SYNPR: variants seen among roughly 807,000 people sequenced by gnomAD.
SYNPR encodes the protein synaptoporin.
A neutral mutation model predicts 32.9 loss-of-function variants in SYNPR; 23 were observed. That is an observed-to-expected ratio of 0.70 (90% CI 0.50 to 0.99). The LOEUF (loss-of-function observed/expected upper bound fraction) is 0.99, where lower values mean the gene tolerates loss of function less well. Ranked by LOEUF, SYNPR falls within the 50% of genes least tolerant of loss-of-function variation. The pLI, the probability that SYNPR is intolerant of heterozygous loss-of-function variation, is 0.00. For missense variants in SYNPR, 318 were observed against 349.3 expected (o/e 0.91, Z 0.71); for synonymous variants, 146 against 135.9 (o/e 1.07, Z -0.52).
chr3:63,423,061 TG>T (rs1440005878), intron 2 of SYNPR, among the ~76,000 whole-genome samples: 1 of 152,168 alleles, frequency 6.6e-6, no homozygotes, highest in Non-Finnish European at 1.5e-5. Context: ...ATAACATCTA[TG>T]GAATAAAAGT....
chr3:63,309,019 C>A (rs1191124360), intron 2 of SYNPR, among the ~76,000 whole-genome samples: 1 of 151,846 alleles, frequency 6.6e-6, no homozygotes, highest in Non-Finnish European at 1.5e-5. Context: ...ATCACTGATG[C>A]GCTGTTCATT....
chr3:63,422,243 C>A (rs1299533344), intron 2 of SYNPR, among the ~76,000 whole-genome samples: 1 of 152,144 alleles, frequency 6.6e-6, no homozygotes, highest in African/African-American at 2.4e-5. Context: ...TATCAGTGTT[C>A]TTAACTACTT....
intron 3 of SYNPR, among the ~76,000 whole-genome samples, chr3:63,552,680 G>A (rs1272311516): frequency 2.6e-5 from 4 of 152,074 alleles, no homozygotes; most frequent in East Asian, 1.9e-4. Context: ...TAATTCTAAC[G>A]CCAGTGGTCC....
chr3:63,524,108 A>C (rs993210144), intron 3 of SYNPR, among the ~76,000 whole-genome samples: 2 of 152,024 alleles, frequency 1.3e-5, no homozygotes, highest in Non-Finnish European at 2.9e-5. Flanking sequence ...CTCACTTTCT[A>C]AGTTAATTCA....
intron 1 of SYNPR, among the ~76,000 whole-genome samples, chr3:63,247,373 C>G (rs183438747): frequency 1.3e-5 from 2 of 152,020 alleles, no homozygotes; most frequent in East Asian, 3.9e-4. Flanking sequence ...CTAAAGCCTC[C>G]AAGTAGGATG....
At chr3:63,502,869 C>T (rs1701509187) in intron 3 of SYNPR, among the ~76,000 whole-genome samples, 1 of 152,082 alleles carries the variant, frequency 6.6e-6, no homozygotes, top group African/African-American at 2.4e-5. Flanking sequence ...TTTATCCCTT[C>T]ACCTACAAAA....
At chr3:63,560,858 C>T (rs1454441937) in intron 4 of SYNPR, among the ~76,000 whole-genome samples, 1 of 152,144 alleles carries the variant, frequency 6.6e-6, no homozygotes, top group African/African-American at 2.4e-5. Flanking sequence ...CCCTCAAGAC[C>T]TGGGGATTAC....
At chr3:63,467,689 T>C (rs1700710073) in intron 2 of SYNPR, among the ~76,000 whole-genome samples, 1 of 152,228 alleles carries the variant, frequency 6.6e-6, no homozygotes, top group Admixed American at 6.5e-5. Context: ...AAATACCACA[T>C]AACAATATGC....
upstream of SYNPR, among the ~76,000 whole-genome samples, chr3:63,224,775 T>C (rs191973320): frequency 2.5e-3 from 380 of 152,346 alleles, 1 homozygote; most frequent in Middle Eastern, 0.02. Context: ...ACCAGGTGTC[T>C]GAGACCCTGG....
At chr3:63,218,456 A>G in the SYNPR span, among the ~76,000 whole-genome samples, 1 of 152,216 alleles carries the variant, frequency 6.6e-6, no homozygotes, top group Non-Finnish European at 1.5e-5. Context: ...TGTCCTCCAA[A>G]CATTCCTGAA....
At chr3:63,608,596 G>A (rs981694578) in intron 4 of SYNPR, among the ~76,000 whole-genome samples, 3 of 131,546 alleles carry the variant, frequency 2.3e-5, no homozygotes, top group African/African-American at 2.5e-5. Flanking sequence ...GTGAACAAAC[G>A]AATGAATGAA....
At chr3:63,485,232 G>A (rs1391797380) in intron 3 of SYNPR, among the ~76,000 whole-genome samples, 1 of 151,956 alleles carries the variant, frequency 6.6e-6, no homozygotes, top group Non-Finnish European at 1.5e-5. Flanking sequence ...ATGAATGAAA[G>A]GGGTCACTGA....
chr3:63,295,695 A>T (rs1054183096), intron 2 of SYNPR, among the ~76,000 whole-genome samples: 3 of 152,226 alleles, frequency 2.0e-5, no homozygotes, highest in Non-Finnish European at 4.4e-5. Flanking sequence ...ACTTGATAAA[A>T]CAACAAATGA....
intron 2 of SYNPR, among the ~76,000 whole-genome samples, chr3:63,311,984 C>T (rs1185634203): frequency 6.6e-6 from 1 of 151,938 alleles, no homozygotes; most frequent in Admixed American, 6.6e-5. Flanking sequence ...TCACTTTCTT[C>T]ATCTTTAAAG....
intron 2 of SYNPR, among the ~76,000 whole-genome samples, chr3:63,261,139 A>G (rs2086433883): frequency 6.6e-6 from 1 of 152,148 alleles, no homozygotes; most frequent in Admixed American, 6.5e-5. Context: ...TCGTTCAACC[A>G]TTGTGGAAGT....
intron 2 of SYNPR, among the ~76,000 whole-genome samples, chr3:63,479,119 G>A (rs979982363): frequency 2.0e-5 from 3 of 152,120 alleles, no homozygotes. Context: ...CCTGTGCAAC[G>A]AAAGCTAACA....
chr3:63,578,350 T>C (rs1703028586), intron 4 of SYNPR, among the ~76,000 whole-genome samples: 1 of 152,158 alleles, frequency 6.6e-6, no homozygotes, highest in Non-Finnish European at 1.5e-5. Flanking sequence ...GATTTTGTCA[T>C]CAGCCAAGCT....
chr3:63,301,105 AC>A (rs1308011210), intron 2 of SYNPR, among the ~76,000 whole-genome samples: 2 of 152,146 alleles, frequency 1.3e-5, no homozygotes, highest in African/African-American at 4.8e-5. Context: ...ATGTCATCTT[AC>A]ATCTCTTTCT....
chr3:63,476,104 G>A (rs1700897597), intron 2 of SYNPR, among the ~76,000 whole-genome samples: 2 of 116,562 alleles, frequency 1.7e-5, no homozygotes, highest in African/African-American at 6.9e-5. Context: ...GGGAGGAAGG[G>A]AGGGGGGAGG....
Sources: gnomAD v4.1 joint callset for allele counts (sites outside exome capture counted in the v4.1 genomes callset) on GRCh38, gnomAD v4.1.1 for gene constraint, MANE v1.5 for transcripts, NCBI Gene and HGNC (gene_info 2026-07-23, HGNC 2026-07-21) for gene names.